Variants in SLC14A2 observed in about 807,000 individuals in gnomAD.
SLC14A2 encodes the protein solute carrier family 14 member 2, also known as urea transporter 2.
Under a neutral mutation model 104.6 loss-of-function variants are expected in SLC14A2, and 91 were observed. That is an observed-to-expected ratio of 0.87 (90% CI 0.73 to 1.04). SLC14A2 has a LOEUF of 1.04. SLC14A2 is among the 50% of genes least tolerant of loss of function. The pLI is 0.00. For missense variants in SLC14A2, 1,189 were observed against 1,156.0 expected, an observed-to-expected ratio of 1.03 and a Z score of -0.41; for synonymous variants, 476 against 466.4, an observed-to-expected ratio of 1.02 and a Z score of -0.27.
chr18:45,205,680 G>A, the SLC14A2 span, among the ~76,000 whole-genome samples: 1 of 152,200 alleles, frequency 6.6e-6, no homozygotes. Context: ...GTGGGTTTTA[G>A]AAATCTTTTC....
the SLC14A2 span, among the ~76,000 whole-genome samples, chr18:45,207,081 G>A: frequency 0.69 from 104,357 of 151,968 alleles, 35,869 homozygotes; most frequent in East Asian, 0.79. Context: ...TAAACAACAT[G>A]CATTTAGGTA....
At chr18:45,512,374 G>A (rs1484189868) in intron 2 of SLC14A2, among the ~76,000 whole-genome samples, 2 of 152,160 alleles carry the variant, frequency 1.3e-5, no homozygotes, top group Admixed American at 6.5e-5. Flanking sequence ...AGGGAGAAGA[G>A]TCCTTTCTCA....
At chr18:45,468,985 G>A (rs1474662138) in intron 1 of SLC14A2, among the ~76,000 whole-genome samples, 1 of 152,232 alleles carries the variant, frequency 6.6e-6, no homozygotes, top group Non-Finnish European at 1.5e-5. Flanking sequence ...CCAAGCTGAG[G>A]TGTTGATAAT....
chr18:45,441,538 G>T (rs544982975), intron 1 of SLC14A2, among the ~76,000 whole-genome samples: 4 of 152,218 alleles, frequency 2.6e-5, no homozygotes, highest in Non-Finnish European at 5.9e-5. Flanking sequence ...AGACAAGGAG[G>T]CCTAGGAGGA....
At chr18:45,624,850 G>C in intron 2 of SLC14A2, 36 bp downstream of exon 2, 2 of 1,568,640 alleles carry the variant, frequency 1.3e-6, no homozygotes, top group Non-Finnish European at 1.7e-6. Context: ...TTCCTGGGAG[G>C]GAGGGGATGG....
chr18:45,514,432 A>C (rs1266547445), intron 2 of SLC14A2, among the ~76,000 whole-genome samples: 4 of 152,214 alleles, frequency 2.6e-5, no homozygotes, highest in African/African-American at 9.6e-5. Context: ...ATCACCTCCC[A>C]CAAGGCCCCA....
chr18:45,590,430 C>T (rs748774490), intron 2 of SLC14A2, among the ~76,000 whole-genome samples: 27 of 152,142 alleles, frequency 1.8e-4, no homozygotes, highest in Admixed American at 1.7e-3. Context: ...TAATTCACAT[C>T]GTAAAACTAT....
intron 2 of SLC14A2, among the ~76,000 whole-genome samples, chr18:45,568,899 G>A (rs1288957989): frequency 6.6e-6 from 1 of 152,212 alleles, no homozygotes; most frequent in African/African-American, 2.4e-5. Context: ...GGATAGTTAT[G>A]TTTTGGACAC....
At chr18:45,606,573 C>T (rs959211986) in intron 2 of SLC14A2, among the ~76,000 whole-genome samples, 7 of 151,484 alleles carry the variant, frequency 4.6e-5, no homozygotes, top group African/African-American at 1.5e-4. Flanking sequence ...TACTGCTTCT[C>T]AAACCCCGTA....
intron 2 of SLC14A2, among the ~76,000 whole-genome samples, chr18:45,508,912 T>TG (rs1202445831): frequency 1.3e-5 from 2 of 152,152 alleles, no homozygotes; most frequent in Non-Finnish European, 2.9e-5. Context: ...ATCAAGATAT[T>TG]GGGGGGTGAC....
chr18:45,602,610 G>A (rs2144416034), intron 2 of SLC14A2, among the ~76,000 whole-genome samples: 1 of 152,308 alleles, frequency 6.6e-6, no homozygotes, highest in East Asian at 1.9e-4. Context: ...AAACATGACT[G>A]TGATGGGGCA....
intron 2 of SLC14A2, among the ~76,000 whole-genome samples, chr18:45,587,217 C>A (rs1367482312): frequency 1.3e-5 from 2 of 152,092 alleles, no homozygotes; most frequent in African/African-American, 4.8e-5. Flanking sequence ...TCAAGTGATC[C>A]GCCTGCCTCG....
chr18:45,177,219 A>G, the SLC14A2 span, among the ~76,000 whole-genome samples: 1 of 150,000 alleles, frequency 6.7e-6, no homozygotes, highest in Non-Finnish European at 1.5e-5. Context: ...AGAAGCTACT[A>G]TCTTCTCTCA....
chr18:45,418,503 T>C (rs1225753303), intron 1 of SLC14A2, among the ~76,000 whole-genome samples: 1 of 152,104 alleles, frequency 6.6e-6, no homozygotes, highest in Non-Finnish European at 1.5e-5. Flanking sequence ...GAGTGTTTGG[T>C]AGAGTCTGAG....
At chr18:45,389,890 T>G (rs2543012) in intron 1 of SLC14A2, among the ~76,000 whole-genome samples, 149,407 of 152,290 alleles carry the variant, frequency 0.98, 73,351 homozygotes, top group East Asian at 1. Context: ...CAAACTTTAA[T>G]CTTCGAGAAT....
chr18:45,554,865 G>A (rs1445150460), intron 2 of SLC14A2, among the ~76,000 whole-genome samples: 2 of 152,196 alleles, frequency 1.3e-5, no homozygotes, highest in African/African-American at 4.8e-5. Flanking sequence ...CATCCATGCA[G>A]GGCTGATCCT....
At chr18:45,183,867 G>C in the SLC14A2 span, among the ~76,000 whole-genome samples, 1 of 147,206 alleles carries the variant, frequency 6.8e-6, no homozygotes, top group Non-Finnish European at 1.5e-5. Context: ...CAACAAGCTG[G>C]AACTGTAGGC....
chr18:45,555,296 T>C (rs1289208615), intron 2 of SLC14A2, among the ~76,000 whole-genome samples: 3 of 152,178 alleles, frequency 2.0e-5, no homozygotes, highest in African/African-American at 7.2e-5. Flanking sequence ...TATAATATAG[T>C]TTTATACACA....
the SLC14A2 span, among the ~76,000 whole-genome samples, chr18:45,185,892 A>C: frequency 3.3e-4 from 50 of 152,318 alleles, no homozygotes; most frequent in African/African-American, 1.1e-3. Flanking sequence ...AATAGCATCA[A>C]AATATATAAA....
Sources: allele counts gnomAD v4.1 joint callset (sites outside exome capture counted in the v4.1 genomes callset), GRCh38; gene constraint gnomAD v4.1.1; transcripts MANE v1.5; gene names NCBI Gene and HGNC (gene_info 2026-07-23, HGNC 2026-07-21).